Variants in LRP1B observed in about 807,000 individuals in gnomAD.
The protein encoded by LRP1B is low-density lipoprotein receptor-related protein 1B.
In LRP1B, 217 loss-of-function variants were observed where a neutral mutation model predicts 556.6. The observed-to-expected ratio is 0.39, with a 90% CI of 0.35 to 0.44. The LOEUF is 0.44. LRP1B is among the 20% of genes least tolerant of loss of function. The pLI, the probability that LRP1B is intolerant of heterozygous loss-of-function variation, is 1.00. For missense variants in LRP1B, 5,053 were observed against 5,620.8 expected, an observed-to-expected ratio of 0.90 and a Z score of 3.23; for synonymous variants, 2,047 against 1,865.8, an observed-to-expected ratio of 1.10 and a Z score of -2.50.
chr2:141,913,754 AT>A (rs942425262), intron 1 of LRP1B, among the ~76,000 whole-genome samples: 21 of 148,876 alleles, frequency 1.4e-4, no homozygotes, highest in South Asian at 2.1e-4. Context: ...ACCCTCCTAC[AT>A]TTTTTTTTTA....
At chr2:140,911,214 A>G (rs1165271951) in intron 21 of LRP1B, among the ~76,000 whole-genome samples, 2 of 151,848 alleles carry the variant, frequency 1.3e-5, no homozygotes, top group East Asian at 3.9e-4. Flanking sequence ...CTATTTATAA[A>G]TATCTATGAT....
intron 2 of LRP1B, among the ~76,000 whole-genome samples, chr2:141,555,828 T>C (rs551051120): frequency 2.0e-5 from 3 of 152,006 alleles, no homozygotes; most frequent in East Asian, 1.9e-4. Flanking sequence ...TTTGAAAAGG[T>C]ATTCAGCATT....
chr2:140,629,358 A>G (rs1683796199), intron 41 of LRP1B, among the ~76,000 whole-genome samples: 1 of 151,656 alleles, frequency 6.6e-6, no homozygotes, highest in African/African-American at 2.4e-5. Flanking sequence ...GTTAGCCACT[A>G]TGCTGGGCAT....
chr2:141,677,789 A>G (rs354855), intron 2 of LRP1B, among the ~76,000 whole-genome samples: 69,814 of 152,088 alleles, frequency 0.46, 16,577 homozygotes, highest in East Asian at 0.59. Context: ...GCACCTAGCC[A>G]TATTTTTCTT....
At chr2:141,501,479 T>C (rs2105132872) in intron 2 of LRP1B, among the ~76,000 whole-genome samples, 1 of 152,254 alleles carries the variant, frequency 6.6e-6, no homozygotes, top group Non-Finnish European at 1.5e-5. Flanking sequence ...AATCAAGAAG[T>C]TGTCACTGAT....
At chr2:141,283,443 T>G (rs533253695) in intron 3 of LRP1B, among the ~76,000 whole-genome samples, 30 of 151,340 alleles carry the variant, frequency 2.0e-4, no homozygotes, top group Admixed American at 2.0e-3. Flanking sequence ...GGGGAGGTGG[T>G]GAGGTGGGAA....
intron 3 of LRP1B, among the ~76,000 whole-genome samples, chr2:141,424,943 A>G (rs1167066543): frequency 1.3e-5 from 2 of 151,982 alleles, no homozygotes; most frequent in Non-Finnish European, 2.9e-5. Flanking sequence ...TTATACTTTA[A>G]GTTTTAGGGT....
intron 3 of LRP1B, among the ~76,000 whole-genome samples, chr2:141,351,864 G>A (rs2105541818): frequency 6.6e-6 from 1 of 151,996 alleles, no homozygotes; most frequent in South Asian, 2.1e-4. Flanking sequence ...ATGAAGATGG[G>A]CAAGAGGCAG....
chr2:141,667,531 G>C (rs533186619), intron 2 of LRP1B, among the ~76,000 whole-genome samples: 3 of 152,268 alleles, frequency 2.0e-5, no homozygotes, highest in African/African-American at 7.2e-5. Flanking sequence ...TCAGAAGAAA[G>C]CACTCCACTT....
intron 23 of LRP1B, among the ~76,000 whole-genome samples, chr2:140,890,279 G>A (rs1464116132): frequency 6.6e-6 from 1 of 152,046 alleles, no homozygotes; most frequent in Non-Finnish European, 1.5e-5. Context: ...GGGCTTCAAA[G>A]TTATCTAATG....
chr2:140,725,926 A>T (rs1687578992), intron 35 of LRP1B, among the ~76,000 whole-genome samples: 1 of 152,170 alleles, frequency 6.6e-6, no homozygotes, highest in Non-Finnish European at 1.5e-5. Flanking sequence ...GCATTTGCGT[A>T]GTTTAAATTC....
chr2:141,049,525 A>C (rs1010816514), intron 10 of LRP1B, among the ~76,000 whole-genome samples: 1 of 152,112 alleles, frequency 6.6e-6, no homozygotes, highest in Non-Finnish European at 1.5e-5. Flanking sequence ...ACCGGCATTT[A>C]TTAAAACATC....
intron 7 of LRP1B, among the ~76,000 whole-genome samples, chr2:141,074,587 C>CTATA (rs1457349404): frequency 2.4e-3 from 207 of 85,678 alleles, no homozygotes; most frequent in African/African-American, 6.1e-3. Context: ...CTCTCTCTCT[C>CTATA]TCTATATATA....
chr2:141,400,924 C>A (rs1012122686), intron 3 of LRP1B, among the ~76,000 whole-genome samples: 1 of 152,144 alleles, frequency 6.6e-6, no homozygotes, highest in African/African-American at 2.4e-5. Flanking sequence ...ACCACAATTC[C>A]AATATAGATG....
intron 32 of LRP1B, among the ~76,000 whole-genome samples, chr2:140,812,802 T>C (rs1207293171): frequency 1.3e-5 from 2 of 152,004 alleles, no homozygotes; most frequent in African/African-American, 4.8e-5. Flanking sequence ...TATTAAATAA[T>C]TTTCTGAGTA....
At chr2:140,606,533 C>A (rs1157593848) in intron 41 of LRP1B, among the ~76,000 whole-genome samples, 1 of 151,850 alleles carries the variant, frequency 6.6e-6, no homozygotes, top group Non-Finnish European at 1.5e-5. Context: ...TATGGAAATA[C>A]AAGGGACCCA....
intron 1 of LRP1B, among the ~76,000 whole-genome samples, chr2:141,851,668 A>T (rs541401191): frequency 6.6e-6 from 1 of 151,930 alleles, no homozygotes; most frequent in African/African-American, 2.4e-5. Flanking sequence ...ACAGTAAATT[A>T]GTTCCAAATT....
chr2:140,874,890 G>A (rs1210748942), intron 25 of LRP1B, among the ~76,000 whole-genome samples: 1 of 151,844 alleles, frequency 6.6e-6, no homozygotes, highest in South Asian at 2.1e-4. Flanking sequence ...GTGGTGGCAG[G>A]CACCTGTAAT....
chr2:141,431,403 A>G (rs771909026), intron 3 of LRP1B, among the ~76,000 whole-genome samples: 5 of 152,194 alleles, frequency 3.3e-5, no homozygotes, highest in Admixed American at 2.0e-4. Flanking sequence ...TGGGATCTCA[A>G]TCTTACAGCC....
Sources: allele counts gnomAD v4.1 joint callset (sites outside exome capture counted in the v4.1 genomes callset), GRCh38; gene constraint gnomAD v4.1.1; transcripts MANE v1.5; gene names NCBI Gene and HGNC (gene_info 2026-07-23, HGNC 2026-07-21).